The following PDSS2 variants were observed in gnomAD, a reference collection of about 807,000 sequenced individuals.
PDSS2 encodes the protein all trans-polyprenyl-diphosphate synthase PDSS2.
A neutral mutation model predicts 44.5 loss-of-function variants in PDSS2; 31 were observed. That is an observed-to-expected ratio of 0.70 (90% CI 0.52 to 0.94). The LOEUF (loss-of-function observed/expected upper bound fraction) is 0.94. Among genes scored for constraint, PDSS2 ranks in the 40% least tolerant of loss-of-function variants. The probability of loss-of-function intolerance (pLI) is 0.00; values close to 1 mark genes in which losing one functional copy is unlikely to be tolerated. For synonymous variants in PDSS2, 157 were observed against 180.3 expected, an observed-to-expected ratio of 0.87 and a Z score of 1.03; for missense variants, 452 against 482.2, an observed-to-expected ratio of 0.94 and a Z score of 0.59.
intron 1 of PDSS2, among the ~76,000 whole-genome samples, chr6:107,437,823 A>G (rs554177281): frequency 6.6e-6 from 1 of 152,344 alleles, no homozygotes; most frequent in South Asian, 2.1e-4. Flanking sequence ...CATGTAACAT[A>G]CTGCTCTTAT....
At position 107,294,861 on chromosome 6, in the gene PDSS2, AT is replaced by A. The variant is rs896276014; in HGVS notation, c.432-20635del. On this transcript the variant is annotated intron_variant, in intron 2 of 7. Transcript: ENST00000369037. ...ACCTCATTGCCTCCCTAAAGAAACA[AT>A]TTTTTTTTGTATAATGGAATAATTG... Among the ~76,000 whole-genome samples, 156 of 151,590 alleles carry A rather than the reference AT, an allele frequency of 1.0e-3. 2 individuals carry two copies. Among genetic ancestry groups the A allele is most frequent in the African/African-American group, 3.4e-3 (140 of 41,344 alleles).
chr6:107,194,662 G>A (rs375213872), intron 6 of PDSS2, among the ~76,000 whole-genome samples: 3 of 152,122 alleles, frequency 2.0e-5, no homozygotes, highest in African/African-American at 2.4e-5. Flanking sequence ...TAGTAATGCC[G>A]TAAATTCAGC....
intron 2 of PDSS2, among the ~76,000 whole-genome samples, chr6:107,329,543 T>C (rs940791176): frequency 6.6e-6 from 1 of 152,152 alleles, no homozygotes; most frequent in Admixed American, 6.5e-5. Context: ...TTCCCCTTTT[T>C]ATAAGGATGC....
chr6:107,158,267 C>T (rs1339352895), intron 7 of PDSS2, among the ~76,000 whole-genome samples: 1 of 151,374 alleles, frequency 6.6e-6, no homozygotes, highest in Non-Finnish European at 1.5e-5. Flanking sequence ...CTCACTGCAA[C>T]CTCCACCTCT....
intron 1 of PDSS2, among the ~76,000 whole-genome samples, chr6:107,443,471 T>A (rs1781569984): frequency 6.6e-6 from 1 of 152,220 alleles, no homozygotes; most frequent in African/African-American, 2.4e-5. Context: ...TTACGCTGAA[T>A]AAACAAATTG....
At chr6:107,215,438 T>C (rs369470342) in intron 4 of PDSS2, among the ~76,000 whole-genome samples, 3 of 152,180 alleles carry the variant, frequency 2.0e-5, no homozygotes, top group Non-Finnish European at 1.5e-5. Context: ...TTTAATGTGA[T>C]AGGGGTGTGT....
At chr6:107,356,947 TTTA>T (rs1209185866) in intron 1 of PDSS2, among the ~76,000 whole-genome samples, 1 of 152,156 alleles carries the variant, frequency 6.6e-6, no homozygotes, top group Non-Finnish European at 1.5e-5. Context: ...TCATCATAAT[TTTA>T]CATCAATCCT....
chr6:107,190,077 C>T lies in PDSS2; in HGVS notation c.1041+3745G>A, dbSNP rs551459084. Among the ~76,000 whole-genome samples, 14 of 143,802 alleles carry T rather than the reference C, an allele frequency of 9.7e-5. No homozygotes were observed. The East Asian group carries it at 2.8e-3, about 29-fold the overall frequency. 94.3% of individuals were successfully genotyped at this position (143,802 alleles called of 152,430 possible). On this transcript the variant is annotated intron_variant, in intron 7 of 7. Coordinates refer to ENST00000369037, the MANE Select transcript of PDSS2 (RefSeq NM_020381.4). ...CCAGCCTGAGTGACAGAGTGAGACC[C>T]TATCTCTAAAAAAAAAAAACAAAAA...
intron 3 of PDSS2, among the ~76,000 whole-genome samples, chr6:107,255,196 C>T (rs1774968678): frequency 7.0e-6 from 1 of 143,468 alleles, no homozygotes; most frequent in Non-Finnish European, 1.5e-5. Context: ...CTATTGCATT[C>T]TATTTTTTTT....
At chr6:107,258,241 T>C (rs1233995184) in intron 3 of PDSS2, among the ~76,000 whole-genome samples, 1 of 152,208 alleles carries the variant, frequency 6.6e-6, no homozygotes, top group Admixed American at 6.5e-5. Context: ...TCTGATTTTA[T>C]ATAAGATATT....
intron 3 of PDSS2, among the ~76,000 whole-genome samples, chr6:107,259,683 A>AC (rs1288441730): frequency 6.6e-6 from 1 of 151,946 alleles, no homozygotes; most frequent in Admixed American, 6.6e-5. Flanking sequence ...TCAAAAAAAA[A>AC]AAATAGAAAA....
intron 7 of PDSS2, among the ~76,000 whole-genome samples, chr6:107,157,327 G>A (rs1396218452): frequency 6.6e-6 from 1 of 152,086 alleles, no homozygotes; most frequent in Non-Finnish European, 1.5e-5. Flanking sequence ...TGGGAAGACA[G>A]GCATGCACCA....
chr6:107,317,839 T>C (rs990030979), intron 2 of PDSS2, among the ~76,000 whole-genome samples: 1 of 152,186 alleles, frequency 6.6e-6, no homozygotes, highest in Admixed American at 6.5e-5. Flanking sequence ...GGTCCCCAGT[T>C]TGGGGTACGC....
intron 1 of PDSS2, among the ~76,000 whole-genome samples, chr6:107,435,280 A>G (rs975362266): frequency 3.1e-5 from 3 of 96,898 alleles, no homozygotes; most frequent in Admixed American, 2.7e-4. Context: ...TACTGCCTCA[A>G]AACACACACA....
At position 107,289,297 on chromosome 6, in the gene PDSS2, C is replaced by T. The variant is rs536096709; in HGVS notation, c.432-15070G>A. On this transcript the variant is annotated intron_variant, in intron 2 of 7. Coordinates refer to ENST00000369037, the MANE Select transcript of PDSS2 (RefSeq NM_020381.4). Reference sequence around the variant, plus strand: ...CTGAGGCAGGAGAATTGCTTGAACCCGGGAGGCAGAGGTTGTAGTGAGCCG... The same window carrying T: ...CTGAGGCAGGAGAATTGCTTGAACCTGGGAGGCAGAGGTTGTAGTGAGCCG... 4.7e-5 allele frequency among the ~76,000 whole-genome samples: 7 copies of T among 150,296 alleles called. No homozygotes were observed. In the South Asian group the frequency reaches 1.1e-3, roughly 23 times the overall value.
chr6:107,290,619 C>T (rs1039667704), intron 2 of PDSS2, among the ~76,000 whole-genome samples: 3 of 152,074 alleles, frequency 2.0e-5, no homozygotes, highest in African/African-American at 7.2e-5. Context: ...TTAAACATGC[C>T]AAGCCTATTC....
intron 7 of PDSS2, among the ~76,000 whole-genome samples, chr6:107,179,485 T>C (rs1223480310): frequency 2.0e-5 from 3 of 149,462 alleles, no homozygotes; most frequent in Admixed American, 6.7e-5. Flanking sequence ...TTCACCATGT[T>C]GGTCAGGCTG....
At chr6:107,371,795 T>C (rs2114386834) in intron 1 of PDSS2, among the ~76,000 whole-genome samples, 1 of 152,318 alleles carries the variant, frequency 6.6e-6, no homozygotes, top group African/African-American at 2.4e-5. Context: ...TTAAATAATT[T>C]GTCAAAGGCT....
chr6:107,442,130 T>G (rs1781527061), intron 1 of PDSS2, among the ~76,000 whole-genome samples: 2 of 152,126 alleles, frequency 1.3e-5, no homozygotes, highest in Middle Eastern at 3.4e-3. Flanking sequence ...CAAAATCAAT[T>G]TCTTGGCTAG....
Sources: gnomAD v4.1 joint callset for allele counts (sites outside exome capture counted in the v4.1 genomes callset) on GRCh38, gnomAD v4.1.1 for gene constraint, MANE v1.5 for transcripts, NCBI Gene and HGNC (gene_info 2026-07-23, HGNC 2026-07-21) for gene names.